Variants in SCARB2 observed in about 807,000 individuals in gnomAD.
SCARB2 encodes scavenger receptor class B member 2.
Under a neutral mutation model 58.6 loss-of-function variants are expected in SCARB2, and 29 were observed. The ratio of observed to expected loss-of-function variants is 0.49; its 90% CI spans 0.37 to 0.67. The LOEUF (loss-of-function observed/expected upper bound fraction) is 0.67. Among genes scored for constraint, SCARB2 ranks in the 30% least tolerant of loss-of-function variants. The probability of loss-of-function intolerance (pLI) is 0.00; values close to 1 mark genes in which losing one functional copy is unlikely to be tolerated. For synonymous variants in SCARB2, 195 were observed against 210.1 expected (o/e 0.93, Z 0.62); for missense variants, 488 against 578.5 (o/e 0.84, Z 1.60).
At chr4:76,170,163 T>C (rs1732099844) in intron 7 of SCARB2, among the ~76,000 whole-genome samples, 178 bp from the exon 8 acceptor site, 1 of 152,188 alleles carries the variant, frequency 6.6e-6, no homozygotes. Context: ...TTATACTTCA[T>C]TTTCTGACAT....
rs987942921 is a variant in SCARB2, at chr4:76,176,463, T to C, written c.678A>G (p.Thr226=). ...LTGEDSYLNF[T]KIVEWNGKTS... is the part of the protein sequence containing the mutation. The stretch of plus-strand genomic sequence containing the variant: ...TTTTCCCATTCCATTCCACAATTTT[T>C]GTAAAGTTAAGGTAACTGTCTTCTC... The change falls in exon 5 of 12, where the codon ACA becomes ACG. Residue 226 remains threonine, a synonymous_variant. Coordinates refer to ENST00000264896, the MANE Select transcript of SCARB2 (RefSeq NM_005506.4). 6.2e-7 allele frequency: 1 copy of C among 1,612,110 alleles called. No homozygotes were observed. Among genetic ancestry groups the C allele is most frequent in the Admixed American group, 1.7e-5 (1 of 59,934 alleles).
chr4:76,227,069 T>C (rs1046829850), intron 1 of SCARB2, among the ~76,000 whole-genome samples: 2 of 152,092 alleles, frequency 1.3e-5, no homozygotes, highest in African/African-American at 4.8e-5. Context: ...TCTGCTGGGT[T>C]TGGGTTTGGT....
rs1490724504 is a variant in SCARB2, at chr4:76,213,574, C to T, written c.-31G>A. The T allele has an allele frequency of 6.3e-7, 1 of 1,578,562 alleles. No homozygotes were observed. Among genetic ancestry groups the T allele is most frequent in the African/African-American group, 1.3e-5 (1 of 74,162 alleles). On this transcript the variant is annotated 5_prime_UTR_variant, in exon 1 of 12. Coordinates refer to ENST00000264896, the MANE Select transcript of SCARB2 (RefSeq NM_005506.4). ...GCGCCGCTCACGGGCCGGGCCGGGC[C>T]GCACCCGCCAGGGATCCAACTGCAA...
chr4:76,175,761 T>A, intron 6 of SCARB2, 30 bp downstream of exon 6: 1 of 1,613,296 alleles, frequency 6.2e-7, no homozygotes, highest in Non-Finnish European at 8.5e-7. Flanking sequence ...ACCTTATTTT[T>A]GAAAAAGAAC....
Position 76,213,729 on chromosome 4 carries a change from C to T in SCARB2, c.-186G>A, listed in dbSNP as rs1415422401. ...CCTGGCGAGCGCGGCCCCGGGTGCA[C>T]CGGGCGGATGGGGCCGCGGAGGGAC... On this transcript the variant is annotated 5_prime_UTR_variant, in exon 1 of 12. It adds an upstream start codon to the 5' untranslated region. Coordinates refer to ENST00000264896, the MANE Select transcript of SCARB2 (RefSeq NM_005506.4). 4 of 503,962 alleles carry T rather than the reference C, an allele frequency of 7.9e-6. No individual in the cohort carries two copies. Among genetic ancestry groups the T allele is most frequent in the East Asian group, 3.7e-5 (1 of 27,314 alleles). 31.2% of individuals were successfully genotyped at this position (503,962 alleles called of 1,614,324 possible).
At chr4:76,224,917 C>G (rs982229032) in intron 1 of SCARB2, among the ~76,000 whole-genome samples, 1 of 152,014 alleles carries the variant, frequency 6.6e-6, no homozygotes, top group Admixed American at 6.6e-5. Context: ...ACCCTTCCCC[C>G]CAAGTCCCCA....
chr4:76,195,272 G>A (rs1578732706), intron 2 of SCARB2: 1 of 162,984 alleles, frequency 6.1e-6, no homozygotes, highest in Non-Finnish European at 1.3e-5. Flanking sequence ...GGTTGAGGCA[G>A]GAGGATCACT....
chr4:76,221,696 G>T (rs62303003), intron 1 of SCARB2, among the ~76,000 whole-genome samples: 1 of 152,208 alleles, frequency 6.6e-6, no homozygotes, highest in Non-Finnish European at 1.5e-5. Context: ...TAGCTAAAGA[G>T]CTAAGCATCA....
In SCARB2 at chr4:76,163,308, G is replaced by A. The variant is rs1309365299; in HGVS notation, c.1315C>T (p.Pro439Ser). 1.2e-6 allele frequency: 2 copies of A among 1,614,064 alleles called. No homozygotes were observed. Among genetic ancestry groups the A allele is most frequent in the Admixed American group, 1.7e-5 (1 of 60,008 alleles). ...ACACCCAGCGCCATGATGATGTAGGGTATGTTGGTGATGATCAAAGTAGTG... is the reference window on the plus strand; with the variant it reads ...ACACCCAGCGCCATGATGATGTAGGATATGTTGGTGATGATCAAAGTAGTG... Reference protein sequence around the residue: ...INTTLIITNIPYIIMALGVFF... With the variant: ...INTTLIITNISYIIMALGVFF... The change falls in exon 11 of 12, where the codon CCC (proline) becomes TCC (serine). Residue 439 changes from proline to serine, a missense_variant. By Grantham distance (74) the Pro-to-Ser change is moderately conservative. Coordinates refer to ENST00000264896, the MANE Select transcript of SCARB2 (RefSeq NM_005506.4).
chr4:76,181,352 T>C (rs1732380503), intron 2 of SCARB2, among the ~76,000 whole-genome samples: 1 of 152,168 alleles, frequency 6.6e-6, no homozygotes, highest in African/African-American at 2.4e-5. Context: ...GGAGGTGCAA[T>C]AGTTGAGGGT....
At chr4:76,225,806 T>A (rs2109982638) in intron 1 of SCARB2, among the ~76,000 whole-genome samples, 1 of 152,330 alleles carries the variant, frequency 6.6e-6, no homozygotes, top group Admixed American at 6.5e-5. Flanking sequence ...TTGTTGTAGA[T>A]TTTTGTTTCC....
intron 1 of SCARB2, among the ~76,000 whole-genome samples, chr4:76,220,182 A>C (rs1733284114): frequency 6.6e-6 from 1 of 152,238 alleles, no homozygotes; most frequent in Non-Finnish European, 1.5e-5. Context: ...AATTGAAGAC[A>C]GGTACTCAAA....
chr4:76,166,501 G>T, intron 9 of SCARB2, 200 bp from the exon 10 acceptor site: 3 of 631,312 alleles, frequency 4.8e-6, no homozygotes, highest in Non-Finnish European at 8.5e-6. Context: ...TGTGCTGTAC[G>T]TTTATCAAAA....
At chr4:76,197,245 C>G (rs1456221292) in intron 1 of SCARB2, among the ~76,000 whole-genome samples, 2 of 152,236 alleles carry the variant, frequency 1.3e-5, no homozygotes, top group East Asian at 3.8e-4. Context: ...AGTATTCTCC[C>G]TGCCTCACTG....
intron 1 of SCARB2, 40 bp from the exon 2 acceptor site, chr4:76,195,904 C>A (rs747262633): frequency 6.4e-7 from 1 of 1,554,838 alleles, no homozygotes; most frequent in Non-Finnish European, 8.8e-7. Context: ...AAATGTAAGG[C>A]AATAGTTGGC....
intron 1 of SCARB2, among the ~76,000 whole-genome samples, chr4:76,228,283 C>A (rs1733433869): frequency 6.6e-6 from 1 of 151,902 alleles, no homozygotes; most frequent in Non-Finnish European, 1.5e-5. Context: ...AGTTAGAGAC[C>A]AGCCTGGCCA....
intron 2 of SCARB2, chr4:76,195,163 G>C (rs565372384): frequency 1.3e-5 from 2 of 153,578 alleles, no homozygotes; most frequent in African/African-American, 4.8e-5. Flanking sequence ...CTGAGCCCAG[G>C]AGTTCAAGAC....
intron 1 of SCARB2, among the ~76,000 whole-genome samples, chr4:76,208,640 G>C (rs1179501043): frequency 1.3e-5 from 2 of 152,160 alleles, no homozygotes; most frequent in Non-Finnish European, 2.9e-5. Flanking sequence ...CCTGCTTCCT[G>C]CTGACTTTCC....
chr4:76,198,485 A>T (rs1175248058), intron 1 of SCARB2, among the ~76,000 whole-genome samples: 3 of 152,246 alleles, frequency 2.0e-5, no homozygotes, highest in Non-Finnish European at 4.4e-5. Context: ...GATAGAAATA[A>T]ACATTTAGTA....
Sources: gnomAD v4.1 joint callset for allele counts (sites outside exome capture counted in the v4.1 genomes callset) on GRCh38, gnomAD v4.1.1 for gene constraint, MANE v1.5 for transcripts, NCBI Gene and HGNC (gene_info 2026-07-23, HGNC 2026-07-21) for gene names.